The following STX3 variants were observed in gnomAD, a reference collection of about 807,000 sequenced individuals.
STX3 encodes the protein syntaxin-3.
Under a neutral mutation model 40.2 loss-of-function variants are expected in STX3, and 19 were observed. The ratio of observed to expected loss-of-function variants is 0.47; its 90% CI spans 0.33 to 0.69. The LOEUF is 0.69. Among genes scored for constraint, STX3 ranks in the 30% least tolerant of loss-of-function variants. The probability of loss-of-function intolerance (pLI) is 0.02; values close to 1 mark genes in which losing one functional copy is unlikely to be tolerated. For synonymous variants in STX3, 122 were observed against 132.2 expected (o/e 0.92, Z 0.53); for missense variants, 364 against 366.7 (o/e 0.99, Z 0.06).
At position 59,770,985 on chromosome 11, in the gene STX3, G is replaced by A. The variant is rs561905754; in HGVS notation, c.31-2226G>A. Among the ~76,000 whole-genome samples the A allele has an allele frequency of 1.3e-4, 20 of 152,132 alleles. No homozygotes were observed. The South Asian group carries it at 2.9e-3, about 22-fold the overall frequency. On this transcript the variant is annotated intron_variant, in intron 1 of 10. Coordinates refer to ENST00000337979, the MANE Select transcript of STX3 (RefSeq NM_004177.5). ...TCTGGGGGCAGCCATCAACTGACTC[G>A]GGCCCATTCACTTCAGACTCCTTTC...
intron 10 of STX3, chr11:59,800,200 T>G (rs761153191): frequency 1.0e-6 from 1 of 985,354 alleles, no homozygotes; most frequent in African/African-American, 1.7e-5. Flanking sequence ...CAAGACTGAT[T>G]GTTGCCTAGG....
chr11:59,755,047 T>C (rs1565156776), upstream of STX3: 2 of 152,352 alleles, frequency 1.3e-5, no homozygotes, highest in Admixed American at 6.5e-5. Flanking sequence ...CATTGTCTTA[T>C]TTGTTTTCGG....
chr11:59,787,934 G>T (rs1864880698), intron 3 of STX3, among the ~76,000 whole-genome samples: 1 of 152,108 alleles, frequency 6.6e-6, no homozygotes, highest in African/African-American at 2.4e-5. Flanking sequence ...ACTGAAGTGG[G>T]AACACTTTAG....
intron 2 of STX3, among the ~76,000 whole-genome samples, chr11:59,785,403 C>T (rs1864689258): frequency 1.3e-5 from 2 of 152,208 alleles, no homozygotes; most frequent in Middle Eastern, 3.4e-3. Flanking sequence ...ATGATCATGG[C>T]TCACTGTGGC....
At chr11:59,770,230 A>G (rs1303063918) in intron 1 of STX3, among the ~76,000 whole-genome samples, 3 of 137,292 alleles carry the variant, frequency 2.2e-5, no homozygotes, top group East Asian at 2.2e-4. Context: ...TATGTGTGTA[A>G]TGTACGTGTG....
At chr11:59,789,445 T>C (rs959236459) in intron 4 of STX3, among the ~76,000 whole-genome samples, 25 of 150,996 alleles carry the variant, frequency 1.7e-4, no homozygotes, top group East Asian at 1.4e-3. Context: ...CTACATACTT[T>C]TTTTTTTTTT....
intron 1 of STX3, among the ~76,000 whole-genome samples, chr11:59,771,057 C>T (rs761934244): frequency 2.6e-5 from 4 of 152,118 alleles, no homozygotes; most frequent in African/African-American, 4.8e-5. Flanking sequence ...GATCGACTCC[C>T]CCAAATCATG....
intron 4 of STX3, chr11:59,789,318 G>T: frequency 5.9e-6 from 1 of 170,498 alleles, no homozygotes. Flanking sequence ...GTGTGATCTC[G>T]GCTTATTGCA....
intron 4 of STX3, 121 bp from the exon 5 acceptor site, chr11:59,790,398 A>T: frequency 1.3e-6 from 1 of 742,320 alleles, no homozygotes; most frequent in Non-Finnish European, 2.4e-6. Flanking sequence ...TTTTGAGGTG[A>T]CACCTACCTG....
chr11:59,764,014 G>A (rs931715090), intron 1 of STX3, among the ~76,000 whole-genome samples: 3 of 148,536 alleles, frequency 2.0e-5, no homozygotes, highest in Admixed American at 6.7e-5. Context: ...GCGAAACTCC[G>A]TCTCAAAAAA....
chr11:59,800,682 T>C lies in STX3; in HGVS notation c.*31-173T>C. The C allele has an allele frequency of 8.1e-6, 8 of 985,404 alleles. 1 individual carries two copies. In the South Asian group the frequency reaches 3.8e-4, roughly 46 times the overall value. The allele number at this position is 985,404 out of a possible 1,614,324, so 61.0% of individuals were successfully genotyped here. A position where few individuals can be genotyped will look rare whatever the true frequency, so the allele number is the denominator to read the frequency against. The stretch of plus-strand genomic sequence containing the variant: ...TTTTTTTCCCCTCTCACAGTAGGGC[T>C]TTTTGTTCTTTGTACAGTGGGATAT... On this transcript the variant is annotated intron_variant, in intron 10 of 10. Transcript: ENST00000337979.
intron 10 of STX3, chr11:59,799,836 T>A: frequency 2.0e-6 from 2 of 985,456 alleles, no homozygotes; most frequent in Non-Finnish European, 2.4e-6. Context: ...CCCCTCTTTT[T>A]TCTGGCACTT....
At chr11:59,786,619 A>T (rs1391873831) in intron 2 of STX3, among the ~76,000 whole-genome samples, 1 of 147,266 alleles carries the variant, frequency 6.8e-6, no homozygotes, top group Admixed American at 6.7e-5. Flanking sequence ...TTTTCCTTTC[A>T]CTTCTTTCTT....
chr11:59,763,185 G>T (rs1201965048), intron 1 of STX3, among the ~76,000 whole-genome samples: 2 of 152,218 alleles, frequency 1.3e-5, no homozygotes, highest in Non-Finnish European at 2.9e-5. Flanking sequence ...GTGCTGATGG[G>T]TGATGAGACC....
At chr11:59,762,766 C>T (rs116191998) in intron 1 of STX3, among the ~76,000 whole-genome samples, 89 of 152,178 alleles carry the variant, frequency 5.8e-4, no homozygotes, top group African/African-American at 2.1e-3. Context: ...CTAAAGGACA[C>T]CTGAGATCTC....
intron 1 of STX3, among the ~76,000 whole-genome samples, chr11:59,764,869 C>T (rs912485131): frequency 1.3e-5 from 2 of 149,378 alleles, no homozygotes; most frequent in Admixed American, 1.4e-4. Flanking sequence ...TGCAACAACA[C>T]ACACACACAT....
chr11:59,798,150 T>G (rs1041188638), intron 10 of STX3, among the ~76,000 whole-genome samples: 1 of 152,152 alleles, frequency 6.6e-6, no homozygotes, highest in African/African-American at 2.4e-5. Context: ...ATGCTAAAAT[T>G]TAGACTATTC....
At chr11:59,798,110 A>G (rs1442673406) in intron 10 of STX3, among the ~76,000 whole-genome samples, 2 of 152,230 alleles carry the variant, frequency 1.3e-5, no homozygotes, top group Admixed American at 6.5e-5. Context: ...ATCATTAACT[A>G]TAAAGCCTGG....
chr11:59,789,066 T>C, intron 4 of STX3, 119 bp downstream of exon 4: 1 of 886,428 alleles, frequency 1.1e-6, no homozygotes, highest in Non-Finnish European at 1.7e-6. Flanking sequence ...TGGTCCATCT[T>C]TGCTTGTGGT....
Sources: allele counts gnomAD v4.1 joint callset (sites outside exome capture counted in the v4.1 genomes callset), GRCh38; gene constraint gnomAD v4.1.1; transcripts MANE v1.5; gene names NCBI Gene and HGNC (gene_info 2026-07-23, HGNC 2026-07-21).